The following SNX18 variants were observed in gnomAD, a reference collection of about 807,000 sequenced individuals.
SNX18 encodes the protein sorting nexin-18.
Under a neutral mutation model 48.7 loss-of-function variants are expected in SNX18, and 35 were observed. That is an observed-to-expected ratio of 0.72 (90% CI 0.55 to 0.95). The LOEUF (loss-of-function observed/expected upper bound fraction) is 0.95, where lower values mean the gene tolerates loss of function less well. SNX18 is among the 40% of genes least tolerant of loss of function. The pLI is 0.00. For synonymous variants in SNX18, 492 were observed against 384.7 expected, an observed-to-expected ratio of 1.28 and a Z score of -3.26; for missense variants, 824 against 871.0, an observed-to-expected ratio of 0.95 and a Z score of 0.68.
chr5:54,576,646 C>A, the SNX18 span, among the ~76,000 whole-genome samples: 1 of 152,162 alleles, frequency 6.6e-6, no homozygotes, highest in African/African-American at 2.4e-5. Flanking sequence ...TCCTCACCCA[C>A]TTTATTACAG....
the SNX18 span, among the ~76,000 whole-genome samples, chr5:54,560,968 C>G: frequency 1.3e-5 from 2 of 152,222 alleles, no homozygotes; most frequent in Admixed American, 1.3e-4. Context: ...TAAGATGTTA[C>G]ATTTGATCAG....
chr5:54,558,617 G>T, the SNX18 span, among the ~76,000 whole-genome samples: 114 of 152,180 alleles, frequency 7.5e-4, no homozygotes, highest in African/African-American at 2.6e-3. Flanking sequence ...TTCCTGCTTG[G>T]TCCTTATCTC....
At chr5:54,526,097 AAG>A (rs1762126875) in intron 1 of SNX18, among the ~76,000 whole-genome samples, 1 of 152,086 alleles carries the variant, frequency 6.6e-6, no homozygotes, top group African/African-American at 2.4e-5. Context: ...AGGACTACCA[AAG>A]AGATAAATTA....
At chr5:54,564,078 C>T in the SNX18 span, among the ~76,000 whole-genome samples, 66 of 152,038 alleles carry the variant, frequency 4.3e-4, 1 homozygote, top group East Asian at 0.013. Flanking sequence ...GTCAGGAGTT[C>T]AAGACAGCGT....
chr5:54,599,597 T>A, the SNX18 span, among the ~76,000 whole-genome samples: 2 of 152,148 alleles, frequency 1.3e-5, no homozygotes, highest in Admixed American at 6.6e-5. Context: ...ACTAAAAGGC[T>A]ACAATAGCCA....
rs146232006 is a variant in SNX18 at position 54,533,327 on chromosome 5, A to G, written c.1622-9852A>G. 9.0e-3 allele frequency among the ~76,000 whole-genome samples: 1,374 copies of G among 152,326 alleles called. 33 individuals are homozygous for G. Among genetic ancestry groups the G allele is most frequent in the African/African-American group, 0.031 (1,305 of 41,568 alleles). The stretch of plus-strand genomic sequence containing the variant: ...GTTCAGTATTAATTTTGTACCCTCC[A>G]GGGTTTATTAATGTGGTCTAAACCT... On this transcript the variant is annotated intron_variant, in intron 1 of 1. Coordinates refer to ENST00000381410, the MANE Select transcript of SNX18 (RefSeq NM_001102575.2).
At chr5:54,537,410 A>G (rs1270492675) in intron 1 of SNX18, among the ~76,000 whole-genome samples, 1 of 152,220 alleles carries the variant, frequency 6.6e-6, no homozygotes, top group East Asian at 1.9e-4. Context: ...TGCTCATGCT[A>G]TTCCAGATGC....
At chr5:54,638,187 A>G in the SNX18 span, among the ~76,000 whole-genome samples, 11 of 152,218 alleles carry the variant, frequency 7.2e-5, no homozygotes. Flanking sequence ...GACTTTAATA[A>G]CTTAAAAATA....
the SNX18 span, among the ~76,000 whole-genome samples, chr5:54,572,870 T>G: frequency 3.0e-5 from 4 of 134,450 alleles, no homozygotes; most frequent in African/African-American, 1.1e-4. Context: ...CTCGGCTCAC[T>G]GCAACCTCCG....
At chr5:54,520,468 G>T in intron 1 of SNX18, 1 of 166,652 alleles carries the variant, frequency 6.0e-6, no homozygotes. Flanking sequence ...GTGGGAGTTA[G>T]GGAGGCAGTC....
At chr5:54,642,774 A>G in the SNX18 span, among the ~76,000 whole-genome samples, 1 of 152,234 alleles carries the variant, frequency 6.6e-6, no homozygotes, top group African/African-American at 2.4e-5. Flanking sequence ...GGCCTACCAT[A>G]TCAGCAAGAA....
the SNX18 span, among the ~76,000 whole-genome samples, chr5:54,622,516 A>G: frequency 2.0e-5 from 3 of 151,308 alleles, no homozygotes; most frequent in South Asian, 6.2e-4. Context: ...AAAAAAAGCA[A>G]CTAGCCCTTT....
the SNX18 span, among the ~76,000 whole-genome samples, chr5:54,606,286 T>G: frequency 6.6e-6 from 1 of 152,258 alleles, no homozygotes; most frequent in African/African-American, 2.4e-5. Flanking sequence ...TAAATGGTTA[T>G]CAGATAATTC....
the SNX18 span, among the ~76,000 whole-genome samples, chr5:54,576,359 C>T: frequency 0.03 from 4,623 of 152,296 alleles, 108 homozygotes; most frequent in Non-Finnish European, 0.044. Context: ...GGCTATGGTA[C>T]GTGGCAGGTC....
the SNX18 span, among the ~76,000 whole-genome samples, chr5:54,614,678 G>T: frequency 1.9e-4 from 29 of 152,192 alleles, no homozygotes; most frequent in African/African-American, 6.3e-4. Context: ...GCCAGTCGTG[G>T]TGGTGTGTGC....
the SNX18 span, chr5:54,645,860 T>G: frequency 2.6e-5 from 4 of 152,204 alleles, no homozygotes; most frequent in African/African-American, 9.7e-5. Context: ...TTTCTCTTCA[T>G]GTCTTCTACA....
the SNX18 span, among the ~76,000 whole-genome samples, chr5:54,565,365 G>A: frequency 6.6e-6 from 1 of 152,136 alleles, no homozygotes; most frequent in Non-Finnish European, 1.5e-5. Flanking sequence ...CTTGAGGCCA[G>A]GAGTTTGAGA....
At chr5:54,557,498 A>G in the SNX18 span, among the ~76,000 whole-genome samples, 2 of 152,350 alleles carry the variant, frequency 1.3e-5, no homozygotes, top group African/African-American at 2.4e-5. Context: ...TAAAAGATCG[A>G]TGATCTGAAA....
Position 54,519,190 on chromosome 5 carries a change from C to G in SNX18, c.1238C>G (p.Thr413Arg). 6.2e-7 allele frequency: 1 copy of G among 1,613,666 alleles called. No homozygotes were observed. Among genetic ancestry groups the G allele is most frequent in the Non-Finnish European group, 8.5e-7 (1 of 1,179,800 alleles). Residue 413 changes from threonine to arginine, a missense_variant, in exon 1 of 2, where the codon ACG becomes AGG. Thr to Arg is a moderately conservative substitution (Grantham distance 71). Transcript: ENST00000381410. ...VGANFFLTLS[T>R]PPAAALDLQE... The stretch of plus-strand genomic sequence containing the variant: ...GCCAACTTCTTCCTGACCCTTAGCA[C>G]GCCCCCCGCCGCTGCCCTTGACCTG...
Sources: allele counts gnomAD v4.1 joint callset (sites outside exome capture counted in the v4.1 genomes callset), GRCh38; gene constraint gnomAD v4.1.1; transcripts MANE v1.5; gene names NCBI Gene and HGNC (gene_info 2026-07-23, HGNC 2026-07-21).